KYAT3: variants seen among roughly 807,000 people sequenced by gnomAD.
KYAT3 encodes kynurenine--oxoglutarate transaminase 3.
A neutral mutation model predicts 59.0 loss-of-function variants in KYAT3; 50 were observed. That is an observed-to-expected ratio of 0.85 (90% CI 0.68 to 1.07). KYAT3 has a LOEUF of 1.07. KYAT3 is among the 50% of genes least tolerant of loss of function. The pLI, the probability that KYAT3 is intolerant of heterozygous loss-of-function variation, is 0.00. For synonymous variants in KYAT3, 148 were observed against 177.0 expected, an observed-to-expected ratio of 0.84 and a Z score of 1.30; for missense variants, 497 against 533.3, an observed-to-expected ratio of 0.93 and a Z score of 0.67.
intron 8 of KYAT3, 24 bp from the exon 9 acceptor site, chr1:88,955,249 T>C (rs780052439): frequency 7.1e-7 from 1 of 1,400,904 alleles, no homozygotes; most frequent in Admixed American, 1.7e-5. Context: ...GAAAAAAGGG[T>C]AAATATTGTT....
In KYAT3 at chr1:88,990,054, C is replaced by T. The variant is rs560893231; in HGVS notation, c.-1-1703G>A. 1.4e-4 allele frequency among the ~76,000 whole-genome samples: 22 copies of T among 152,286 alleles called. No individual in the cohort carries two copies. In the South Asian group the frequency reaches 4.3e-3, roughly 30 times the overall value. On this transcript the variant is annotated intron_variant, in intron 1 of 13. Coordinates refer to ENST00000260508, the MANE Select transcript of KYAT3 (RefSeq NM_001008661.3). ...CACTCCTTTAAACTAAATCCCTCTA[C>T]CTTCTTCCTCAGTCCAAGCAGATTG...
the KYAT3 span, among the ~76,000 whole-genome samples, chr1:88,921,711 A>G: frequency 6.6e-6 from 1 of 152,218 alleles, no homozygotes. Context: ...GGCTCACCCA[A>G]TTATGGAGAC....
intron 1 of KYAT3, among the ~76,000 whole-genome samples, chr1:88,991,264 C>T (rs755791336): frequency 2.6e-5 from 4 of 152,162 alleles, no homozygotes; most frequent in Non-Finnish European, 4.4e-5. Flanking sequence ...TCCTAAGAAA[C>T]TTAAAGCTCT....
chr1:88,925,682 A>AGAG, the KYAT3 span, among the ~76,000 whole-genome samples: 2 of 147,990 alleles, frequency 1.4e-5, no homozygotes, highest in African/African-American at 5.0e-5. Flanking sequence ...AGAGAGATGG[A>AGAG]AGAGAGAGAG....
At chr1:88,923,711 C>A in the KYAT3 span, 1 of 256,692 alleles carries the variant, frequency 3.9e-6, no homozygotes, top group Admixed American at 5.9e-5. Context: ...GTTTGGATAT[C>A]CAAAGCTAGC....
downstream of KYAT3, among the ~76,000 whole-genome samples, chr1:88,930,925 G>A (rs533251562): frequency 1.3e-5 from 2 of 152,226 alleles, no homozygotes; most frequent in African/African-American, 4.8e-5. Flanking sequence ...CCGCAAGGCA[G>A]GACCCTCCAT....
chr1:88,992,177 A>G (rs987360770), intron 1 of KYAT3, among the ~76,000 whole-genome samples: 3 of 151,832 alleles, frequency 2.0e-5, no homozygotes, highest in African/African-American at 7.3e-5. Flanking sequence ...ACGGGGTTTC[A>G]CCGTGTTAGC....
At chr1:88,962,208 T>C (rs1676176078) in intron 5 of KYAT3, 63 bp from the exon 6 acceptor site, 4 of 1,196,222 alleles carry the variant, frequency 3.3e-6, no homozygotes, top group Middle Eastern at 1.9e-4. Context: ...TAATACTGTG[T>C]ACCTACTATG....
chr1:88,963,284 T>C (rs1276564421), intron 5 of KYAT3, among the ~76,000 whole-genome samples: 2 of 151,160 alleles, frequency 1.3e-5, no homozygotes, highest in Non-Finnish European at 2.9e-5. Flanking sequence ...CCCAACAGAG[T>C]GCAGAGAAAG....
At chr1:88,963,352 G>A (rs1676222575) in intron 5 of KYAT3, among the ~76,000 whole-genome samples, 1 of 152,178 alleles carries the variant, frequency 6.6e-6, no homozygotes, top group Non-Finnish European at 1.5e-5. Context: ...TAGGATTAAA[G>A]GAGTTTATGT....
intron 8 of KYAT3, among the ~76,000 whole-genome samples, chr1:88,958,645 T>C (rs1398767556): frequency 2.0e-5 from 3 of 152,208 alleles, no homozygotes; most frequent in African/African-American, 7.2e-5. Flanking sequence ...GATGAGCATT[T>C]AGTAAATGCA....
chr1:88,978,862 C>T (rs1676929832), intron 2 of KYAT3, among the ~76,000 whole-genome samples: 1 of 151,316 alleles, frequency 6.6e-6, no homozygotes, highest in African/African-American at 2.4e-5. Flanking sequence ...CTTGCTTTGC[C>T]CATGCTGGAC....
At position 88,961,207 on chromosome 1, in the gene KYAT3, A is replaced by G. The variant is rs1326632521; in HGVS notation, c.747T>C (p.Tyr249=). 2 of 1,613,668 alleles carry G rather than the reference A, an allele frequency of 1.2e-6. No homozygotes were observed. The highest frequency in any genetic ancestry group is 1.7e-4 in the Middle Eastern group (1 of 6,056). The change falls in exon 8 of 14, where the codon TAT becomes TAC. Residue 249 remains tyrosine, a synonymous_variant. Transcript: ENST00000260508. ...TATTTCCAGAATATACAAGCCATTC[A>G]TAAACCTCATCGCTGATGCAGAGTG... ...YDTLCISDEV[Y]EWLVYSGNKH...
At chr1:88,955,995 C>G (rs1675898715) in intron 8 of KYAT3, among the ~76,000 whole-genome samples, 1 of 152,188 alleles carries the variant, frequency 6.6e-6, no homozygotes, top group African/African-American at 2.4e-5. Context: ...TAACCAATTT[C>G]AGAACACTTT....
intron 4 of KYAT3, 108 bp downstream of exon 4, chr1:88,968,562 C>T (rs531185863): frequency 2.2e-6 from 2 of 893,798 alleles, no homozygotes; most frequent in Admixed American, 6.3e-5. Flanking sequence ...ACAGCTGGTC[C>T]CAGAAAGTCA....
At chr1:88,973,810 A>T (rs1442729582) in intron 2 of KYAT3, among the ~76,000 whole-genome samples, 1 of 152,240 alleles carries the variant, frequency 6.6e-6, no homozygotes, top group Non-Finnish European at 1.5e-5. Flanking sequence ...CTGTATGTTG[A>T]ACCCATGATC....
intron 8 of KYAT3, 108 bp from the exon 9 acceptor site, chr1:88,955,333 A>G: frequency 1.4e-6 from 1 of 690,518 alleles, no homozygotes; most frequent in East Asian, 2.9e-5. Flanking sequence ...TAAGTGTGTT[A>G]TAATTTAGCC....
intron 11 of KYAT3, among the ~76,000 whole-genome samples, chr1:88,944,950 T>C (rs1675379944): frequency 6.6e-6 from 1 of 152,152 alleles, no homozygotes. Flanking sequence ...TTCAAGCAAT[T>C]ATCCTGCCTT....
the KYAT3 span, among the ~76,000 whole-genome samples, chr1:88,921,387 T>A: frequency 6.6e-6 from 1 of 152,380 alleles, no homozygotes; most frequent in Non-Finnish European, 1.5e-5. Context: ...TTGGTTTTTT[T>A]AGCCTTAATA....
Sources: gnomAD v4.1 joint callset for allele counts (sites outside exome capture counted in the v4.1 genomes callset) on GRCh38, gnomAD v4.1.1 for gene constraint, MANE v1.5 for transcripts, NCBI Gene and HGNC (gene_info 2026-07-23, HGNC 2026-07-21) for gene names.